Variants in SPAG16 observed in about 807,000 individuals in gnomAD.
The protein encoded by SPAG16 is sperm-associated antigen 16 protein.
Under a neutral mutation model 80.4 loss-of-function variants are expected in SPAG16, and 86 were observed. The observed-to-expected ratio is 1.07, with a 90% CI of 0.90 to 1.28. The LOEUF is 1.28. Ranked by LOEUF, SPAG16 falls within the 50% of genes most tolerant of loss-of-function variation. The pLI, the probability that SPAG16 is intolerant of heterozygous loss-of-function variation, is 0.00. For synonymous variants in SPAG16, 294 were observed against 265.9 expected, an observed-to-expected ratio of 1.11 and a Z score of -1.03; for missense variants, 870 against 765.3, an observed-to-expected ratio of 1.14 and a Z score of -1.61.
intron 15 of SPAG16, among the ~76,000 whole-genome samples, chr2:214,208,440 G>T (rs919585138): frequency 6.6e-6 from 1 of 152,140 alleles, no homozygotes; most frequent in Admixed American, 6.5e-5. Context: ...TCCTTGGCAT[G>T]AACTGTGTAG....
intron 9 of SPAG16, among the ~76,000 whole-genome samples, chr2:213,478,978 A>G (rs1289969806): frequency 2.0e-5 from 3 of 151,972 alleles, no homozygotes; most frequent in Non-Finnish European, 4.4e-5. Flanking sequence ...CCCAATGTTG[A>G]CATTTCTCAG....
chr2:214,405,518 G>A (rs1701947254), intron 15 of SPAG16, among the ~76,000 whole-genome samples: 1 of 152,146 alleles, frequency 6.6e-6, no homozygotes, highest in Admixed American at 6.5e-5. Flanking sequence ...AATCAAGGCT[G>A]GGCACAGTGG....
chr2:214,381,862 AC>A (rs1359924206), intron 15 of SPAG16, among the ~76,000 whole-genome samples: 13 of 152,232 alleles, frequency 8.5e-5, no homozygotes, highest in Non-Finnish European at 1.9e-4. Flanking sequence ...TCAGGTGAGG[AC>A]AAGCAGTTCT....
At chr2:214,312,420 A>G (rs1349444580) in intron 15 of SPAG16, among the ~76,000 whole-genome samples, 1 of 152,184 alleles carries the variant, frequency 6.6e-6, no homozygotes, top group East Asian at 1.9e-4. Flanking sequence ...GGCTATGGAA[A>G]AAGTAATTTT....
intron 10 of SPAG16, among the ~76,000 whole-genome samples, chr2:213,843,325 C>T (rs1441687293): frequency 6.6e-6 from 1 of 152,102 alleles, no homozygotes; most frequent in East Asian, 1.9e-4. Flanking sequence ...GCCAGTCATA[C>T]AGAACCGTAC....
intron 15 of SPAG16, among the ~76,000 whole-genome samples, chr2:214,302,828 A>G (rs1407706826): frequency 1.3e-5 from 2 of 152,180 alleles, no homozygotes; most frequent in African/African-American, 2.4e-5. Flanking sequence ...ATATGAATTT[A>G]TGATAGTTAA....
intron 9 of SPAG16, among the ~76,000 whole-genome samples, chr2:213,417,671 G>C (rs1189703357): frequency 6.6e-6 from 1 of 151,954 alleles, no homozygotes; most frequent in Non-Finnish European, 1.5e-5. Flanking sequence ...GTATATTAAG[G>C]CATAACGAAG....
At chr2:213,702,502 A>G (rs559148428) in intron 10 of SPAG16, among the ~76,000 whole-genome samples, 16 of 152,200 alleles carry the variant, frequency 1.1e-4, no homozygotes, top group Non-Finnish European at 1.2e-4. Flanking sequence ...CAGCCACACC[A>G]TCTTTAAGAA....
chr2:213,743,223 A>C lies in SPAG16; in HGVS notation c.1071-119262A>C, dbSNP rs1298613443. Among the ~76,000 whole-genome samples the C allele has an allele frequency of 2.0e-5, 3 of 152,342 alleles. No homozygotes were observed. In the East Asian group the frequency reaches 5.8e-4, roughly 29 times the overall value. The stretch of plus-strand genomic sequence containing the variant: ...CGGCTGTATTGTTGTTTTTTAAAAA[A>C]TTATTTTAGTGTTTATTGTATCTCC... On this transcript the variant is annotated intron_variant, in intron 10 of 15. Coordinates refer to ENST00000331683, the MANE Select transcript of SPAG16 (RefSeq NM_024532.5).
chr2:214,036,008 A>G (rs943870713), intron 13 of SPAG16, among the ~76,000 whole-genome samples: 1 of 152,194 alleles, frequency 6.6e-6, no homozygotes, highest in African/African-American at 2.4e-5. Context: ...GATGATTCTC[A>G]CTTTCATTGA....
intron 10 of SPAG16, among the ~76,000 whole-genome samples, chr2:213,522,034 G>A (rs2075696039): frequency 6.6e-6 from 1 of 152,176 alleles, no homozygotes; most frequent in African/African-American, 2.4e-5. Flanking sequence ...TTAGGGAACT[G>A]CAGAGCCAAG....
At chr2:213,688,018 A>T (rs999373252) in intron 10 of SPAG16, among the ~76,000 whole-genome samples, 1 of 152,210 alleles carries the variant, frequency 6.6e-6, no homozygotes, top group African/African-American at 2.4e-5. Context: ...TTGGTTTTAT[A>T]CATTTTAGGG....
At chr2:213,904,836 A>G (rs1326840725) in intron 11 of SPAG16, among the ~76,000 whole-genome samples, 1 of 152,084 alleles carries the variant, frequency 6.6e-6, no homozygotes, top group Non-Finnish European at 1.5e-5. Flanking sequence ...AAGAAGTCAG[A>G]GTGGTAACTC....
intron 12 of SPAG16, among the ~76,000 whole-genome samples, chr2:213,955,328 T>C (rs2044065313): frequency 6.6e-6 from 1 of 152,202 alleles, no homozygotes; most frequent in South Asian, 2.1e-4. Context: ...TTTAGGTCTA[T>C]GATCCATTTT....
At chr2:214,214,397 T>C (rs2125757773) in intron 15 of SPAG16, among the ~76,000 whole-genome samples, 1 of 152,282 alleles carries the variant, frequency 6.6e-6, no homozygotes, top group East Asian at 1.9e-4. Context: ...CTCAAACTCC[T>C]GACTTCAGGT....
intron 9 of SPAG16, among the ~76,000 whole-genome samples, chr2:213,455,520 T>C (rs2071947112): frequency 6.6e-6 from 1 of 152,198 alleles, no homozygotes; most frequent in East Asian, 1.9e-4. Context: ...TGTCAGCCTA[T>C]GCTCCAGGTC....
intron 10 of SPAG16, among the ~76,000 whole-genome samples, chr2:213,705,852 C>A (rs1266555896): frequency 6.6e-6 from 1 of 151,900 alleles, no homozygotes; most frequent in Non-Finnish European, 1.5e-5. Context: ...CCAATGAAAC[C>A]AAGTTTTCTT....
chr2:214,098,701 G>C (rs899131134), intron 13 of SPAG16, among the ~76,000 whole-genome samples: 1 of 152,088 alleles, frequency 6.6e-6, no homozygotes, highest in Admixed American at 6.6e-5. Context: ...CTAAGGATGA[G>C]AACACCACTC....
At chr2:214,007,192 T>C (rs1166220093) in intron 12 of SPAG16, among the ~76,000 whole-genome samples, 2 of 152,178 alleles carry the variant, frequency 1.3e-5, no homozygotes, top group Non-Finnish European at 2.9e-5. Context: ...AAAATACTAA[T>C]AAAACTGCAA....
Sources: allele counts gnomAD v4.1 joint callset (sites outside exome capture counted in the v4.1 genomes callset), GRCh38; gene constraint gnomAD v4.1.1; transcripts MANE v1.5; gene names NCBI Gene and HGNC (gene_info 2026-07-23, HGNC 2026-07-21).